The following MAF variants were observed in gnomAD, a reference collection of about 807,000 sequenced individuals.
MAF encodes transcription factor Maf.
Under a neutral mutation model 22.0 loss-of-function variants are expected in MAF, and 10 were observed. The ratio of observed to expected loss-of-function variants is 0.45; its 90% CI spans 0.28 to 0.77. MAF has a LOEUF of 0.77. Among genes scored for constraint, MAF ranks in the 30% least tolerant of loss-of-function variants. The probability of loss-of-function intolerance (pLI) is 0.12; values close to 1 mark genes in which losing one functional copy is unlikely to be tolerated. For synonymous variants in MAF, 337 were observed against 255.8 expected (o/e 1.32, Z -3.03); for missense variants, 544 against 548.4 (o/e 0.99, Z 0.08).
At chr16:79,309,574 A>C in the MAF span, among the ~76,000 whole-genome samples, 2 of 152,212 alleles carry the variant, frequency 1.3e-5, no homozygotes. Context: ...TTCATTTTTA[A>C]AGGAGGCTCA....
the MAF span, among the ~76,000 whole-genome samples, chr16:79,487,619 A>C: frequency 6.6e-6 from 1 of 152,192 alleles, no homozygotes; most frequent in African/African-American, 2.4e-5. Context: ...GATATGAATA[A>C]TTCTCATATA....
At chr16:79,322,254 G>A in the MAF span, among the ~76,000 whole-genome samples, 1 of 152,064 alleles carries the variant, frequency 6.6e-6, no homozygotes. Flanking sequence ...TAAGGAAAAA[G>A]GGTATTTGCT....
chr16:79,206,811 G>A, the MAF span: 1 of 151,838 alleles, frequency 6.6e-6, no homozygotes, highest in East Asian at 2.0e-4. Flanking sequence ...CCTAGCCAGG[G>A]AGGCCTATGA....
chr16:79,560,065 T>C, the MAF span, among the ~76,000 whole-genome samples: 1 of 152,068 alleles, frequency 6.6e-6, no homozygotes, highest in African/African-American at 2.4e-5. Context: ...CCACCATGTG[T>C]GGCTGATTAT....
At chr16:79,284,466 A>C in the MAF span, among the ~76,000 whole-genome samples, 3 of 152,204 alleles carry the variant, frequency 2.0e-5, no homozygotes, top group South Asian at 2.1e-4. Context: ...AAATTTACCC[A>C]AAACCTTTAC....
the MAF span, among the ~76,000 whole-genome samples, chr16:79,272,824 T>G: frequency 5.3e-5 from 8 of 152,328 alleles, no homozygotes; most frequent in African/African-American, 1.7e-4. Context: ...TCCTCCACGT[T>G]GACCTGATTC....
the MAF span, among the ~76,000 whole-genome samples, chr16:79,449,145 G>A: frequency 2.0e-5 from 3 of 152,314 alleles, no homozygotes; most frequent in African/African-American, 7.2e-5. Context: ...AATAGGGTTT[G>A]TATTCCCAGG....
chr16:79,437,335 G>T, the MAF span, among the ~76,000 whole-genome samples: 1 of 152,130 alleles, frequency 6.6e-6, no homozygotes, highest in Admixed American at 6.5e-5. Context: ...TGTAAAACGG[G>T]AACATGAAGA....
chr16:79,395,623 C>G, the MAF span, among the ~76,000 whole-genome samples: 1 of 152,094 alleles, frequency 6.6e-6, no homozygotes, highest in Non-Finnish European at 1.5e-5. Context: ...AGCTTGCCAC[C>G]CACCAGCAGA....
At chr16:79,260,499 AT>A in the MAF span, among the ~76,000 whole-genome samples, 1,294 of 144,656 alleles carry the variant, frequency 8.9e-3, 22 homozygotes, top group African/African-American at 0.035. Flanking sequence ...ATCTATATCT[AT>A]ATCTATATAT....
chr16:79,208,205 A>T, the MAF span, among the ~76,000 whole-genome samples: 1 of 152,200 alleles, frequency 6.6e-6, no homozygotes, highest in Admixed American at 6.5e-5. Context: ...GTTTGACTAG[A>T]TCGGAAATGG....
At chr16:79,531,378 T>C in the MAF span, among the ~76,000 whole-genome samples, 1 of 152,164 alleles carries the variant, frequency 6.6e-6, no homozygotes, top group East Asian at 1.9e-4. Flanking sequence ...AAAGACAATT[T>C]TTCCATGGAC....
rs1048081203 is a variant in MAF at position 79,594,236 on chromosome 16, A to G, written c.*224T>C. The stretch of plus-strand genomic sequence containing the variant: ...GAAAGCAATGCACCTGTTTACTTGC[A>G]CACACCATAAATCGAAAAGCAGGAG... On this transcript the variant is annotated 3_prime_UTR_variant, in exon 2 of 2. Coordinates refer to ENST00000326043, the MANE Select transcript of MAF (RefSeq NM_005360.5). 1.3e-5 allele frequency: 7 copies of G among 538,872 alleles called. No homozygotes were observed. Among genetic ancestry groups the G allele is most frequent in the Admixed American group, 3.1e-5 (1 of 32,470 alleles). 33.4% of individuals were successfully genotyped at this position (538,872 alleles called of 1,614,324 possible).
chr16:79,272,669 C>A, the MAF span, among the ~76,000 whole-genome samples: 1 of 152,250 alleles, frequency 6.6e-6, no homozygotes, highest in African/African-American at 2.4e-5. Context: ...AGAGCCGATA[C>A]TCTGAGTTAA....
the MAF span, among the ~76,000 whole-genome samples, chr16:79,448,880 G>T: frequency 3.9e-5 from 6 of 152,136 alleles, no homozygotes; most frequent in African/African-American, 4.8e-5. Context: ...CCAGACCTTG[G>T]GGGGAGGCAG....
At chr16:79,418,883 G>A in the MAF span, among the ~76,000 whole-genome samples, 1 of 152,184 alleles carries the variant, frequency 6.6e-6, no homozygotes, top group Non-Finnish European at 1.5e-5. Context: ...CACAAACTCC[G>A]TCTCCTGCTC....
the MAF span, among the ~76,000 whole-genome samples, chr16:79,360,446 G>A: frequency 4.6e-5 from 7 of 152,308 alleles, no homozygotes; most frequent in Admixed American, 4.6e-4. Flanking sequence ...CATGAGTCAT[G>A]TGGCTGTGTG....
At chr16:79,314,742 G>T in the MAF span, among the ~76,000 whole-genome samples, 16 of 152,276 alleles carry the variant, frequency 1.1e-4, no homozygotes, top group South Asian at 3.3e-3. Context: ...CTCTAGAAAT[G>T]AGAGGAGGCT....
At chr16:79,203,651 C>G in the MAF span, 6 of 152,120 alleles carry the variant, frequency 3.9e-5, no homozygotes, top group Non-Finnish European at 7.3e-5. Context: ...CAGCCAGCTA[C>G]TTGGTTTTCT....
Sources: allele counts gnomAD v4.1 joint callset (sites outside exome capture counted in the v4.1 genomes callset), GRCh38; gene constraint gnomAD v4.1.1; transcripts MANE v1.5; gene names NCBI Gene and HGNC (gene_info 2026-07-23, HGNC 2026-07-21).